Variants in CCDC91 observed in about 807,000 individuals in gnomAD.
CCDC91 encodes coiled-coil domain containing 91, also known as coiled-coil domain-containing protein 91.
Under a neutral mutation model 63.2 loss-of-function variants are expected in CCDC91, and 48 were observed. The ratio of observed to expected loss-of-function variants is 0.76; its 90% CI spans 0.60 to 0.97. CCDC91 has a LOEUF of 0.97. Among genes scored for constraint, CCDC91 ranks in the 50% least tolerant of loss-of-function variants. CCDC91 has a pLI of 0.00. For missense variants in CCDC91, 500 were observed against 494.6 expected, an observed-to-expected ratio of 1.01 and a Z score of -0.10; for synonymous variants, 167 against 165.8, an observed-to-expected ratio of 1.01 and a Z score of -0.06.
At chr12:28,341,781 C>T (rs11049541) in intron 6 of CCDC91, among the ~76,000 whole-genome samples, 30,795 of 152,078 alleles carry the variant, frequency 0.2, 4,094 homozygotes, top group Non-Finnish European at 0.3. Flanking sequence ...GCTGAGAATG[C>T]GTGGCTAGTG....
At chr12:28,545,737 C>T (rs1212570925) in intron 12 of CCDC91, among the ~76,000 whole-genome samples, 3 of 152,004 alleles carry the variant, frequency 2.0e-5, no homozygotes, top group African/African-American at 7.2e-5. Context: ...GCAAGAGAAG[C>T]GTGTGGTGTG....
chr12:28,513,544 T>TA (rs1176366229), intron 12 of CCDC91, among the ~76,000 whole-genome samples: 3 of 151,768 alleles, frequency 2.0e-5, no homozygotes, highest in African/African-American at 7.3e-5. Flanking sequence ...TATTCCAAAA[T>TA]CAAAAAAATC....
chr12:28,267,079 G>C (rs1248316001), intron 3 of CCDC91, among the ~76,000 whole-genome samples: 1 of 151,374 alleles, frequency 6.6e-6, no homozygotes, highest in Non-Finnish European at 1.5e-5. Context: ...TATATATATA[G>C]TATAAGGGTA....
chr12:28,277,483 T>C (rs1948317218), intron 3 of CCDC91, among the ~76,000 whole-genome samples: 1 of 152,076 alleles, frequency 6.6e-6, no homozygotes, highest in Non-Finnish European at 1.5e-5. Flanking sequence ...AAATCCAAAC[T>C]GTGAAATGCT....
At chr12:28,227,122 T>G (rs1429523643) in intron 1 of CCDC91, among the ~76,000 whole-genome samples, 1 of 152,166 alleles carries the variant, frequency 6.6e-6, no homozygotes, top group Non-Finnish European at 1.5e-5. Context: ...TGACTTATTG[T>G]GACTTATCAT....
chr12:28,429,883 T>C (rs1372700596), intron 8 of CCDC91, among the ~76,000 whole-genome samples: 2 of 152,240 alleles, frequency 1.3e-5, no homozygotes, highest in South Asian at 2.1e-4. Context: ...TGCTCTCTTG[T>C]AGTCAATCTG....
intron 12 of CCDC91, among the ~76,000 whole-genome samples, chr12:28,545,475 CAAG>C (rs1188652896): frequency 6.6e-6 from 1 of 152,048 alleles, no homozygotes; most frequent in African/African-American, 2.4e-5. Context: ...GTACTATGCC[CAAG>C]AAGGACCCAC....
At chr12:28,434,327 G>C (rs1156908633) in intron 8 of CCDC91, among the ~76,000 whole-genome samples, 1 of 151,328 alleles carries the variant, frequency 6.6e-6, no homozygotes, top group South Asian at 2.1e-4. Flanking sequence ...CATGAATACC[G>C]ATTTTGTCAA....
At chr12:28,293,417 A>G (rs1397846536) in intron 3 of CCDC91, among the ~76,000 whole-genome samples, 1 of 152,170 alleles carries the variant, frequency 6.6e-6, no homozygotes, top group Non-Finnish European at 1.5e-5. Flanking sequence ...GGGGACTTTA[A>G]AGTAGTTTTG....
chr12:28,525,310 A>AT (rs1448723906), intron 12 of CCDC91, among the ~76,000 whole-genome samples: 4 of 152,048 alleles, frequency 2.6e-5, no homozygotes, highest in Non-Finnish European at 5.9e-5. Flanking sequence ...CACTATTGTC[A>AT]TTCAGTTCGA....
intron 12 of CCDC91, among the ~76,000 whole-genome samples, chr12:28,505,928 C>T (rs1938655747): frequency 6.6e-6 from 1 of 151,864 alleles, no homozygotes; most frequent in Non-Finnish European, 1.5e-5. Context: ...AGGAAAATTT[C>T]CTTTAGGTAA....
At chr12:28,425,555 G>T (rs1406954446) in intron 8 of CCDC91, among the ~76,000 whole-genome samples, 1 of 152,156 alleles carries the variant, frequency 6.6e-6, no homozygotes, top group Non-Finnish European at 1.5e-5. Flanking sequence ...GAAGAAATTA[G>T]TGCTTTCTCA....
At chr12:28,223,339 A>G (rs759993793) in intron 1 of CCDC91, among the ~76,000 whole-genome samples, 1 of 152,064 alleles carries the variant, frequency 6.6e-6, no homozygotes, top group Admixed American at 6.6e-5. Flanking sequence ...TTCTGTTAAC[A>G]TATCTAGTAC....
At chr12:28,388,859 AG>A (rs1487958715) in intron 7 of CCDC91, among the ~76,000 whole-genome samples, 1 of 152,224 alleles carries the variant, frequency 6.6e-6, no homozygotes, top group East Asian at 1.9e-4. Flanking sequence ...AATCAGCTGA[AG>A]ATGGATCAAG....
chr12:28,207,667 G>T (rs867838552), intron 1 of CCDC91, among the ~76,000 whole-genome samples: 17 of 152,280 alleles, frequency 1.1e-4, no homozygotes, highest in Middle Eastern at 3.4e-3. Flanking sequence ...GAAGAATATG[G>T]AATGGAACAT....
At chr12:28,363,679 C>T (rs1254078280) in intron 7 of CCDC91, among the ~76,000 whole-genome samples, 3 of 151,248 alleles carry the variant, frequency 2.0e-5, no homozygotes, top group Non-Finnish European at 4.4e-5. Context: ...AGATCGAGAC[C>T]ATCCTGGCTA....
At chr12:28,196,278 A>G (rs1161019534) in intron 1 of CCDC91, among the ~76,000 whole-genome samples, 7 of 152,170 alleles carry the variant, frequency 4.6e-5, no homozygotes, top group Non-Finnish European at 5.9e-5. Context: ...TAAATTTCCA[A>G]TTACTTATGT....
intron 12 of CCDC91, among the ~76,000 whole-genome samples, chr12:28,486,298 T>A (rs1426961225): frequency 6.6e-6 from 1 of 152,202 alleles, no homozygotes; most frequent in East Asian, 1.9e-4. Flanking sequence ...CATGCTGTTC[T>A]GTATTGCAGA....
At chr12:28,293,957 G>C (rs180813759) in intron 3 of CCDC91, among the ~76,000 whole-genome samples, 1 of 151,964 alleles carries the variant, frequency 6.6e-6, no homozygotes, top group East Asian at 1.9e-4. Context: ...ACACACACAC[G>C]CCCAAAATCT....
Sources: gnomAD v4.1 joint callset for allele counts (sites outside exome capture counted in the v4.1 genomes callset) on GRCh38, gnomAD v4.1.1 for gene constraint, MANE v1.5 for transcripts, NCBI Gene and HGNC (gene_info 2026-07-23, HGNC 2026-07-21) for gene names.